The following PKHD1 variants were observed in gnomAD, a reference collection of about 807,000 sequenced individuals.
PKHD1 encodes the protein fibrocystin.
In PKHD1, 291 loss-of-function variants were observed where a neutral mutation model predicts 412.0. That is an observed-to-expected ratio of 0.71 (90% CI 0.64 to 0.78). The LOEUF (loss-of-function observed/expected upper bound fraction) is 0.78, where lower values mean the gene tolerates loss of function less well. Ranked by LOEUF, PKHD1 falls within the 30% of genes least tolerant of loss-of-function variation. The pLI is 0.00. For synonymous variants in PKHD1, 1,777 were observed against 1,821.5 expected (o/e 0.98, Z 0.62); for missense variants, 4,825 against 4,950.7 (o/e 0.97, Z 0.76).
intron 37 of PKHD1, among the ~76,000 whole-genome samples, chr6:51,922,905 C>T (rs545723226): frequency 3.3e-4 from 50 of 152,330 alleles, no homozygotes; most frequent in Middle Eastern, 6.8e-3. Flanking sequence ...CCTGGTGAGG[C>T]AATGCCCCAC....
At chr6:51,713,847 A>G (rs1780928579) in intron 60 of PKHD1, among the ~76,000 whole-genome samples, 1 of 152,220 alleles carries the variant, frequency 6.6e-6, no homozygotes. Flanking sequence ...TATCTGGTCT[A>G]CAGTTGGCCA....
At position 51,617,244 on chromosome 6, in the gene PKHD1, C is replaced by T. The variant is rs1481323890; in HGVS notation, c.*1837G>A. ...AAAAGCTTACGGCTCTTTGAGGATCCAATGAGTATACTAAAGTAGAGATTG... is the reference window on the plus strand; with the variant it reads ...AAAAGCTTACGGCTCTTTGAGGATCTAATGAGTATACTAAAGTAGAGATTG... On this transcript the variant is annotated 3_prime_UTR_variant, in exon 67 of 67. Coordinates refer to ENST00000371117, the MANE Select transcript of PKHD1 (RefSeq NM_138694.4). The T allele has an allele frequency of 6.6e-6, 1 of 152,060 alleles. No homozygotes were observed. The highest frequency in any genetic ancestry group is 2.4e-5 in the African/African-American group (1 of 41,384). 9.4% of individuals were successfully genotyped at this position (152,060 alleles called of 1,614,324 possible). A position where few individuals can be genotyped will look rare whatever the true frequency, so the allele number is the denominator to read the frequency against.
At chr6:52,029,819 A>T (rs1160693680) in intron 29 of PKHD1, among the ~76,000 whole-genome samples, 1 of 152,230 alleles carries the variant, frequency 6.6e-6, no homozygotes, top group Admixed American at 6.5e-5. Context: ...GCCAAGCCAG[A>T]GGGATGTCTG....
At chr6:52,064,893 C>T (rs1809279862) in intron 13 of PKHD1, 62 bp downstream of exon 13, 2 of 743,372 alleles carry the variant, frequency 2.7e-6, no homozygotes, top group South Asian at 1.4e-5. Flanking sequence ...TATTTCTACT[C>T]GCCAGCCCAT....
At chr6:51,887,375 A>G (rs1583204480) in intron 43 of PKHD1, 130 bp from the exon 44 acceptor site, 1 of 706,376 alleles carries the variant, frequency 1.4e-6, no homozygotes, top group Middle Eastern at 2.5e-4. Context: ...AAACTCTATT[A>G]TAGACTCATT....
At chr6:51,831,141 A>G (rs1185362869) in intron 51 of PKHD1, 152 bp from the exon 52 acceptor site, 9 of 653,150 alleles carry the variant, frequency 1.4e-5, no homozygotes, top group Admixed American at 2.5e-5. Context: ...ATCAGTTAAA[A>G]AGCAAGTAAT....
chr6:51,717,249 T>TA (rs961634996), intron 60 of PKHD1, among the ~76,000 whole-genome samples: 14 of 152,038 alleles, frequency 9.2e-5, no homozygotes, highest in Admixed American at 2.6e-4. Flanking sequence ...CTGTCTTTAC[T>TA]AAAAAAACAA....
chr6:52,017,435 G>C lies in PKHD1; in HGVS notation c.5575C>G (p.Pro1859Ala). ...VPDHWAESMF[P>A]SFSGLFISPK... The stretch of plus-strand genomic sequence containing the variant: ...CTGATAAAGAGGCCCGAGAATGATG[G>C]AAACATTGACTCTGCCCAATGATCT... Residue 1859 changes from proline to alanine, a missense_variant, in exon 34 of 67, where the codon CCA becomes GCA. By Grantham distance (27) the Pro-to-Ala change is conservative. Transcript: ENST00000371117. 1.2e-6 allele frequency: 2 copies of C among 1,613,416 alleles called. No individual in the cohort carries two copies. The highest frequency in any genetic ancestry group is 8.5e-7 in the Non-Finnish European group (1 of 1,179,302).
At chr6:51,680,339 T>A (rs1049204931) in intron 60 of PKHD1, among the ~76,000 whole-genome samples, 1 of 152,000 alleles carries the variant, frequency 6.6e-6, no homozygotes, top group Non-Finnish European at 1.5e-5. Context: ...AATAAAAATA[T>A]CACCTGGACC....
chr6:51,827,008 T>C (rs1390436287), intron 52 of PKHD1, among the ~76,000 whole-genome samples: 1 of 152,206 alleles, frequency 6.6e-6, no homozygotes, highest in Non-Finnish European at 1.5e-5. Context: ...TTTCCTTTAT[T>C]AATGAATTAA....
rs371193442 is a variant in PKHD1, at chr6:51,648,145, G to A, written c.11311-27C>T. ...TAGAAATGGGAATAGGAGGAGGGAG[G>A]AAGAAAAAGTTGGATTCAGAAGAGA... On this transcript the variant is annotated intron_variant, in intron 62 of 66. Transcript: ENST00000371117. 645 of 1,313,658 alleles carry A rather than the reference G, an allele frequency of 4.9e-4. 1 individual carries two copies. Among genetic ancestry groups the A allele is most frequent in the Non-Finnish European group, 6.7e-4 (608 of 906,678 alleles). 81.4% of individuals were successfully genotyped at this position (1,313,658 alleles called of 1,614,324 possible).
rs536404594 is a variant in PKHD1 at position 51,727,032 on chromosome 6, A to G, written c.10156+17353T>C. 4.6e-5 allele frequency among the ~76,000 whole-genome samples: 7 copies of G among 152,316 alleles called. No homozygotes were observed. In the South Asian group the frequency reaches 1.2e-3, roughly 27 times the overall value. ...AGATTCAAAGCATGAGAGGCACACA[A>G]TTAGCTATTGCTGATTTTGAAGATG... On this transcript the variant is annotated intron_variant, in intron 60 of 66. Coordinates refer to ENST00000371117, the MANE Select transcript of PKHD1 (RefSeq NM_138694.4).
intron 35 of PKHD1, among the ~76,000 whole-genome samples, chr6:51,967,065 C>T (rs1488631947): frequency 2.0e-5 from 3 of 152,044 alleles, no homozygotes; most frequent in Admixed American, 2.0e-4. Context: ...CGCTGTATAG[C>T]CAGATGGCCT....
At chr6:51,713,466 G>A (rs191641484) in intron 60 of PKHD1, among the ~76,000 whole-genome samples, 4 of 152,204 alleles carry the variant, frequency 2.6e-5, no homozygotes, top group Non-Finnish European at 4.4e-5. Context: ...GTTCTCCAGG[G>A]TTGAGCATAG....
intron 35 of PKHD1, among the ~76,000 whole-genome samples, chr6:52,001,773 G>T (rs17747695): frequency 0.02 from 3,046 of 152,154 alleles, 48 homozygotes; most frequent in South Asian, 0.047. Flanking sequence ...AGAAACAGAG[G>T]TATGCAAAGT....
intron 60 of PKHD1, among the ~76,000 whole-genome samples, chr6:51,715,262 T>C (rs770497361): frequency 2.0e-5 from 3 of 152,056 alleles, no homozygotes; most frequent in Non-Finnish European, 4.4e-5. Context: ...GGAGCATAAA[T>C]GAACTTGCCC....
At chr6:51,815,362 G>A (rs957071587) in intron 52 of PKHD1, among the ~76,000 whole-genome samples, 8 of 152,158 alleles carry the variant, frequency 5.3e-5, no homozygotes, top group African/African-American at 1.9e-4. Flanking sequence ...CCAGCGGAAG[G>A]AGAATTAAAT....
rs1582423109 is a variant in PKHD1 at position 51,745,786 on chromosome 6, A to T, written c.9998+935T>A. On this transcript the variant is annotated intron_variant, in intron 59 of 66. Coordinates refer to ENST00000371117, the MANE Select transcript of PKHD1 (RefSeq NM_138694.4). ...GTTATAGCAGCACAAACAGACTAAGACATGTAACTTAACAGCTATATCAGC... is the reference window on the plus strand; with the variant it reads ...GTTATAGCAGCACAAACAGACTAAGTCATGTAACTTAACAGCTATATCAGC... 3.9e-5 allele frequency among the ~76,000 whole-genome samples: 6 copies of T among 152,332 alleles called. No individual in the cohort carries two copies. The South Asian group carries it at 1.2e-3, about 32-fold the overall frequency.
chr6:51,631,069 C>G (rs903879497), intron 65 of PKHD1, among the ~76,000 whole-genome samples: 2 of 152,090 alleles, frequency 1.3e-5, no homozygotes, highest in Non-Finnish European at 2.9e-5. Flanking sequence ...TAGAAAAAGC[C>G]TTCTCTAGAG....
Sources: gnomAD v4.1 joint callset for allele counts (sites outside exome capture counted in the v4.1 genomes callset) on GRCh38, gnomAD v4.1.1 for gene constraint, MANE v1.5 for transcripts, NCBI Gene and HGNC (gene_info 2026-07-23, HGNC 2026-07-21) for gene names.